The following TIMP3 variants were observed in gnomAD, a reference collection of about 807,000 sequenced individuals.
TIMP3 encodes the protein TIMP metallopeptidase inhibitor 3.
Under a neutral mutation model 30.0 loss-of-function variants are expected in TIMP3, and 11 were observed. That is an observed-to-expected ratio of 0.37 (90% CI 0.23 to 0.61). The LOEUF (loss-of-function observed/expected upper bound fraction) is 0.61. Ranked by LOEUF, TIMP3 falls within the 20% of genes least tolerant of loss-of-function variation. TIMP3 has a pLI of 0.70. For missense variants in TIMP3, 181 were observed against 276.8 expected (o/e 0.65, Z 2.45); for synonymous variants, 112 against 111.3 (o/e 1.01, Z -0.04).
chr22:32,810,093 T>TATTG (rs2046876246), intron 1 of TIMP3, among the ~76,000 whole-genome samples: 1 of 152,204 alleles, frequency 6.6e-6, no homozygotes, highest in Non-Finnish European at 1.5e-5. Context: ...GTACACAAAG[T>TATTG]ATTGATTCTA....
intron 1 of TIMP3, among the ~76,000 whole-genome samples, chr22:32,830,760 A>G (rs1248177238): frequency 6.6e-6 from 1 of 151,872 alleles, no homozygotes; most frequent in Non-Finnish European, 1.5e-5. Flanking sequence ...AGCCAGTCAC[A>G]TGGACCGTGA....
chr22:32,843,276 C>T (rs946360702), intron 1 of TIMP3, among the ~76,000 whole-genome samples: 2 of 152,228 alleles, frequency 1.3e-5, no homozygotes, highest in African/African-American at 4.8e-5. Flanking sequence ...TGGTTGTTAT[C>T]AGTATGTTCT....
chr22:32,802,400 T>G (rs973053950), intron 1 of TIMP3, among the ~76,000 whole-genome samples: 9 of 151,766 alleles, frequency 5.9e-5, no homozygotes, highest in Admixed American at 5.9e-4. Flanking sequence ...CCTTTTGACA[T>G]CTGGAAAATG....
chr22:32,830,059 T>C (rs1292481753), intron 1 of TIMP3, among the ~76,000 whole-genome samples: 1 of 152,132 alleles, frequency 6.6e-6, no homozygotes, highest in African/African-American at 2.4e-5. Context: ...CAAGAGTAAG[T>C]GGGGCAGCCG....
At chr22:32,810,552 G>A (rs914237957) in intron 1 of TIMP3, among the ~76,000 whole-genome samples, 2 of 151,920 alleles carry the variant, frequency 1.3e-5, no homozygotes, top group African/African-American at 4.8e-5. Flanking sequence ...GAGTGGAGAG[G>A]GGAAGTCCTG....
chr22:32,838,247 G>C (rs1464204633), intron 1 of TIMP3, among the ~76,000 whole-genome samples: 1 of 152,138 alleles, frequency 6.6e-6, no homozygotes, highest in African/African-American at 2.4e-5. Flanking sequence ...AAGTGGACTT[G>C]AGGAGAAGGA....
intron 1 of TIMP3, among the ~76,000 whole-genome samples, chr22:32,804,486 A>C (rs1462438485): frequency 1.3e-5 from 2 of 152,220 alleles, no homozygotes; most frequent in African/African-American, 4.8e-5. Context: ...AGGTGTTCAC[A>C]TCAGCCCATC....
At chr22:32,851,548 C>T (rs1255581109) in intron 2 of TIMP3, among the ~76,000 whole-genome samples, 5 of 152,148 alleles carry the variant, frequency 3.3e-5, no homozygotes, top group African/African-American at 4.8e-5. Context: ...CTTAGGCTTT[C>T]GGTTCACCAT....
intron 1 of TIMP3, among the ~76,000 whole-genome samples, chr22:32,848,257 T>C (rs530725284): frequency 6.6e-6 from 1 of 152,262 alleles, no homozygotes; most frequent in African/African-American, 2.4e-5. Context: ...TTTGTATTCA[T>C]AGTTAACTAG....
At chr22:32,859,152 TC>T (rs1228768727) in intron 4 of TIMP3, 27 bp from the exon 5 acceptor site, 5 of 1,612,346 alleles carry the variant, frequency 3.1e-6, no homozygotes, top group Non-Finnish European at 4.2e-6. Flanking sequence ...GCAGAGTCCA[TC>T]AACTGCTGCC....
intron 1 of TIMP3, among the ~76,000 whole-genome samples, chr22:32,812,498 T>C (rs2046941775): frequency 2.6e-5 from 4 of 152,148 alleles, no homozygotes; most frequent in Admixed American, 1.3e-4. Flanking sequence ...CTGTCACTGA[T>C]TGTGGGAGGG....
chr22:32,822,898 A>G (rs2047290913), intron 1 of TIMP3, among the ~76,000 whole-genome samples: 2 of 148,050 alleles, frequency 1.4e-5, no homozygotes, highest in South Asian at 4.4e-4. Flanking sequence ...AACAGAAGCC[A>G]ATTTGTTAAA....
chr22:32,852,101 T>A (rs2048234192), intron 2 of TIMP3, among the ~76,000 whole-genome samples: 1 of 152,212 alleles, frequency 6.6e-6, no homozygotes, highest in Non-Finnish European at 1.5e-5. Flanking sequence ...TTTGCATAGA[T>A]CAGTACTTAT....
rs1233791173 is a variant in TIMP3, at chr22:32,861,225, A to AC, written c.*1849dup. On this transcript the variant is annotated 3_prime_UTR_variant, in exon 5 of 5. Transcript: ENST00000266085. ...ACACACTGTAGAGTCTTGCACACACACAAGTGCCCAGGCAAGGTGCTTGGC... is the reference window on the plus strand; with the variant it reads ...ACACACTGTAGAGTCTTGCACACACACCAAGTGCCCAGGCAAGGTGCTTGGC... The AC allele has an allele frequency of 6.6e-6, 1 of 152,034 alleles. No individual in the cohort carries two copies. Among genetic ancestry groups the AC allele is most frequent in the African/African-American group, 2.4e-5 (1 of 41,316 alleles). The allele number at this position is 152,034 out of a possible 1,614,324, so 9.4% of individuals were successfully genotyped here.
chr22:32,840,737 G>T (rs908429756), intron 1 of TIMP3, among the ~76,000 whole-genome samples: 33 of 152,124 alleles, frequency 2.2e-4, no homozygotes, highest in African/African-American at 7.5e-4. Context: ...CTGAGGCTCA[G>T]ATCTGATGCC....
intron 1 of TIMP3, among the ~76,000 whole-genome samples, chr22:32,810,391 A>G (rs894368955): frequency 2.6e-5 from 4 of 152,266 alleles, no homozygotes; most frequent in East Asian, 3.9e-4. Context: ...ACAAGAAACT[A>G]TAAGTGTTTC....
chr22:32,802,267 C>T lies in TIMP3; in HGVS notation c.121+145C>T, dbSNP rs1032315315. 5 of 1,279,582 alleles carry T rather than the reference C, an allele frequency of 3.9e-6. No individual in the cohort carries two copies. In the African/African-American group the frequency reaches 6.1e-5, roughly 16 times the overall value. 79.3% of individuals were successfully genotyped at this position (1,279,582 alleles called of 1,614,324 possible). A position where few individuals can be genotyped will look rare whatever the true frequency, so the allele number is the denominator to read the frequency against. ...GGGGCGGAGTGGAGAAACTCGATGTCCTTGGGCGGGGGCGCTGGCATAGCT... is the reference window on the plus strand; with the variant it reads ...GGGGCGGAGTGGAGAAACTCGATGTTCTTGGGCGGGGGCGCTGGCATAGCT... On this transcript the variant is annotated intron_variant, in intron 1 of 4. Transcript: ENST00000266085.
chr22:32,814,533 T>C (rs2047037686), intron 1 of TIMP3, among the ~76,000 whole-genome samples: 1 of 151,970 alleles, frequency 6.6e-6, no homozygotes, highest in African/African-American at 2.4e-5. Context: ...TTGACCAGAG[T>C]GGAGATTTAG....
intron 1 of TIMP3, among the ~76,000 whole-genome samples, chr22:32,805,239 G>T (rs2145949462): frequency 6.6e-6 from 1 of 152,282 alleles, no homozygotes; most frequent in African/African-American, 2.4e-5. Flanking sequence ...AGGCTCAGCT[G>T]GGGGGCCGGC....
Sources: gnomAD v4.1 joint callset for allele counts (sites outside exome capture counted in the v4.1 genomes callset) on GRCh38, gnomAD v4.1.1 for gene constraint, MANE v1.5 for transcripts, NCBI Gene and HGNC (gene_info 2026-07-23, HGNC 2026-07-21) for gene names.